FRYL: variants seen among roughly 807,000 people sequenced by gnomAD.
FRYL encodes the protein protein furry homolog-like.
Under a neutral mutation model 351.2 loss-of-function variants are expected in FRYL, and 150 were observed. The ratio of observed to expected loss-of-function variants is 0.43; its 90% confidence interval spans 0.37 to 0.49. The LOEUF (loss-of-function observed/expected upper bound fraction) is 0.49, where lower values mean the gene tolerates loss of function less well. FRYL is among the 20% of genes least tolerant of loss of function. FRYL has a pLI of 0.00. For missense variants in FRYL, 3,036 were observed against 3,619.3 expected, an observed-to-expected ratio of 0.84 and a Z score of 4.13; for synonymous variants, 1,153 against 1,257.1, an observed-to-expected ratio of 0.92 and a Z score of 1.75.
intron 3 of FRYL, among the ~76,000 whole-genome samples, chr4:48,679,687 G>A (rs544146631): frequency 1.5e-4 from 3 of 20,682 alleles, no homozygotes; most frequent in Admixed American, 1.0e-3. Flanking sequence ...AATATTGAAT[G>A]TTCTAACACA....
chr4:48,653,905 G>C, intron 3 of FRYL: 1 of 1,250,038 alleles, frequency 8.0e-7, no homozygotes, highest in Non-Finnish European at 1.0e-6. Context: ...CTTCTCACAG[G>C]CAGCAGAGTT....
intron 31 of FRYL, among the ~76,000 whole-genome samples, chr4:48,563,372 T>C (rs1312823449): frequency 1.3e-5 from 2 of 151,852 alleles, no homozygotes; most frequent in Non-Finnish European, 2.9e-5. Flanking sequence ...TAGACACGGC[T>C]GCATTTGAGC....
In FRYL at chr4:48,594,014, T is replaced by G; in HGVS notation, c.1251A>C (p.Glu417Asp). The change falls in exon 16 of 64, where the codon GAA becomes GAC. Residue 417 changes from glutamate to aspartate, a missense_variant and splice_region_variant. By Grantham distance (45) the Glu-to-Asp change is conservative. This residue lies in a region of FRYL where 457 missense variants were observed against 566.6 expected (regional missense o/e 0.81). Coordinates refer to ENST00000358350, the MANE Select transcript of FRYL (RefSeq NM_015030.2). Reference sequence around the variant, plus strand: ...TTTCTTTCATTGCAAAATCCAAGCGTTCCTTAAAAAAAAAAAAATCCTTAT... The same window carrying G: ...TTTCTTTCATTGCAAAATCCAAGCGGTCCTTAAAAAAAAAAAAATCCTTAT... ...FVKIIQFIAQ[E>D]RLDFAMKEII... is the part of the protein sequence containing the mutation. The G allele has an allele frequency of 2.1e-6, 3 of 1,459,000 alleles. No individual in the cohort carries two copies. The highest frequency in any genetic ancestry group is 2.7e-6 in the Non-Finnish European group (3 of 1,099,736). The allele number at this position is 1,459,000 out of a possible 1,614,324, so 90.4% of individuals were successfully genotyped here.
intron 3 of FRYL, among the ~76,000 whole-genome samples, chr4:48,650,292 A>G (rs1219102129): frequency 2.6e-5 from 4 of 152,190 alleles, no homozygotes; most frequent in Non-Finnish European, 4.4e-5. Flanking sequence ...AACAAAAATT[A>G]TTGCAGCTCT....
intron 7 of FRYL, chr4:48,617,462 C>A (rs1399621428): frequency 6.6e-6 from 1 of 151,968 alleles, no homozygotes; most frequent in African/African-American, 2.4e-5. Context: ...GATCCTCCTG[C>A]CTCAGCCTCC....
chr4:48,653,140 C>T (rs1474039559), intron 3 of FRYL, among the ~76,000 whole-genome samples: 2 of 152,118 alleles, frequency 1.3e-5, no homozygotes, highest in East Asian at 1.9e-4. Flanking sequence ...AATAGCTCAA[C>T]GGCATCAGTT....
intron 1 of FRYL, among the ~76,000 whole-genome samples, chr4:48,750,061 T>C (rs552897316): frequency 6.9e-6 from 1 of 144,802 alleles, no homozygotes; most frequent in Non-Finnish European, 1.5e-5. Flanking sequence ...TTCATCCCAA[T>C]AGTTCAAGGC....
At chr4:48,707,824 T>C (rs1272280376) in intron 2 of FRYL, among the ~76,000 whole-genome samples, 2 of 151,064 alleles carry the variant, frequency 1.3e-5, no homozygotes, top group Admixed American at 6.6e-5. Flanking sequence ...GTATTTCTTT[T>C]TCTTTTTTTT....
At chr4:48,747,745 G>T (rs181823600) in intron 1 of FRYL, among the ~76,000 whole-genome samples, 1 of 152,128 alleles carries the variant, frequency 6.6e-6, no homozygotes, top group East Asian at 1.9e-4. Context: ...AAAACAAAAC[G>T]GTGAAATTGT....
At chr4:48,679,830 A>G (rs1764339626) in intron 3 of FRYL, among the ~76,000 whole-genome samples, 1 of 152,072 alleles carries the variant, frequency 6.6e-6, no homozygotes, top group Non-Finnish European at 1.5e-5. Flanking sequence ...AACAAATAAA[A>G]TGTAATATAA....
intron 15 of FRYL, among the ~76,000 whole-genome samples, chr4:48,594,545 A>G (rs1744205511): frequency 6.6e-6 from 1 of 152,220 alleles, no homozygotes; most frequent in South Asian, 2.1e-4. Flanking sequence ...TAATGTCACA[A>G]GTTTTTTGAA....
At chr4:48,593,524 A>G (rs557979152) in intron 16 of FRYL, among the ~76,000 whole-genome samples, 1 of 152,134 alleles carries the variant, frequency 6.6e-6, no homozygotes, top group South Asian at 2.1e-4. Flanking sequence ...TTGTATTTTT[A>G]GGAGAGATGG....
chr4:48,704,858 A>C (rs1172200256), intron 2 of FRYL, among the ~76,000 whole-genome samples: 2 of 151,652 alleles, frequency 1.3e-5, no homozygotes, highest in East Asian at 3.9e-4. Context: ...CTGAGGCAGG[A>C]GAATCGCTTG....
At chr4:48,592,678 T>G (rs1287465852) in intron 16 of FRYL, among the ~76,000 whole-genome samples, 7 of 152,168 alleles carry the variant, frequency 4.6e-5, no homozygotes, top group Admixed American at 4.6e-4. Context: ...AGAGCTTTAT[T>G]TTTTTCCTGT....
chr4:48,554,966 G>A (rs138304144), intron 35 of FRYL, among the ~76,000 whole-genome samples: 46 of 152,260 alleles, frequency 3.0e-4, no homozygotes, highest in African/African-American at 9.6e-4. Flanking sequence ...GGAAATTACC[G>A]TTCTCTCTGC....
chr4:48,769,483 T>C, intron 1 of FRYL, among the ~76,000 whole-genome samples: 2 of 152,244 alleles, frequency 1.3e-5, no homozygotes, highest in East Asian at 3.8e-4. Context: ...ACTTTCCATA[T>C]ATTGCTGGTG....
At chr4:48,676,945 G>T (rs999590672) in intron 3 of FRYL, among the ~76,000 whole-genome samples, 2 of 152,148 alleles carry the variant, frequency 1.3e-5, no homozygotes, top group African/African-American at 4.8e-5. Flanking sequence ...GGCATAAACA[G>T]ATTTGTTTAA....
chr4:48,743,640 C>T lies in FRYL; in HGVS notation c.-383-32942G>A, dbSNP rs1209731776. On this transcript the variant is annotated intron_variant, in intron 1 of 63. Transcript: ENST00000358350. ...CAACTTGGCTAGTCCATGGTACCCA[C>T]ATGTTTGGTCAAACATTATTCTAGA... 3.3e-5 allele frequency among the ~76,000 whole-genome samples: 5 copies of T among 152,220 alleles called. No individual in the cohort carries two copies. In the East Asian group the frequency reaches 7.7e-4, roughly 23 times the overall value.
intron 4 of FRYL, among the ~76,000 whole-genome samples, chr4:48,627,211 G>T (rs1752011785): frequency 6.6e-6 from 1 of 152,050 alleles, no homozygotes. Flanking sequence ...GGATTTTACT[G>T]TCCTAATGTG....
Sources: gnomAD v4.1 joint callset for allele counts (sites outside exome capture counted in the v4.1 genomes callset) on GRCh38, gnomAD v4.1.1 for gene constraint, gnomAD v4.1.1 regional missense constraint, MANE v1.5 for transcripts, NCBI Gene and HGNC (gene_info 2026-07-23, HGNC 2026-07-21) for gene names.